The following HERC2 variants were observed in gnomAD, a reference collection of about 807,000 sequenced individuals.
HERC2 encodes the protein E3 ubiquitin-protein ligase HERC2.
HERC2 carries 102 observed loss-of-function variants against 537.7 expected under a neutral mutation model. That is an observed-to-expected ratio of 0.19 (90% confidence interval 0.16 to 0.22). HERC2 has a LOEUF of 0.22. Ranked by LOEUF, HERC2 falls within the 10% of genes least tolerant of loss-of-function variation. The pLI is 1.00. For synonymous variants in HERC2, 2,224 were observed against 2,466.2 expected (o/e 0.90, Z 2.91); for missense variants, 4,236 against 6,198.2 (o/e 0.68, Z 10.63).
chr15:28,114,587 G>C, intron 90 of HERC2, 25 bp downstream of exon 90: 1 of 1,604,714 alleles, frequency 6.2e-7, no homozygotes, highest in Non-Finnish European at 8.5e-7. Context: ...TTATGTCAAT[G>C]CAACAGAGAC....
In HERC2 at chr15:28,196,209, C is replaced by T. The variant is rs750509942; in HGVS notation, c.8260+6G>A. 7.5e-6 allele frequency: 9 copies of T among 1,195,788 alleles called. No homozygotes were observed. Among genetic ancestry groups the T allele is most frequent in the Middle Eastern group, 2.9e-4 (1 of 3,426 alleles). 74.1% of individuals were successfully genotyped at this position (1,195,788 alleles called of 1,614,324 possible). On this transcript the variant is annotated splice_donor_region_variant and intron_variant, in intron 52 of 92. Transcript: ENST00000261609. ...TGGAAGAGAGAATATAAACATTCTG[C>T]CATACCTGGTTCATTTATTCTGCCA...
At chr15:28,263,899 G>A (rs2075483292) in intron 14 of HERC2, among the ~76,000 whole-genome samples, 1 of 151,648 alleles carries the variant, frequency 6.6e-6, no homozygotes, top group South Asian at 2.1e-4. Context: ...AGGCATGGTG[G>A]TGAATATCTA....
At chr15:28,204,383 A>T (rs1347704838) in intron 45 of HERC2, among the ~76,000 whole-genome samples, 1 of 152,306 alleles carries the variant, frequency 6.6e-6, no homozygotes. Context: ...GCACTTTGGG[A>T]GCCCGAGGAG....
chr15:28,127,675 G>A (rs1282529331), intron 83 of HERC2, among the ~76,000 whole-genome samples: 8 of 152,268 alleles, frequency 5.3e-5, no homozygotes, highest in Non-Finnish European at 1.2e-4. Context: ...TGGCCAGGTC[G>A]AGGCGTGGGG....
chr15:28,117,228 T>G (rs767999522), intron 86 of HERC2, 74 bp from the exon 87 acceptor site: 1 of 1,448,668 alleles, frequency 6.9e-7, no homozygotes, highest in South Asian at 1.1e-5. Context: ...TATGCGGCAC[T>G]GGCGAATGCA....
chr15:28,153,753 A>C (rs1892699994), intron 69 of HERC2, among the ~76,000 whole-genome samples: 1 of 152,222 alleles, frequency 6.6e-6, no homozygotes. Flanking sequence ...CAATAGCTTC[A>C]TTTTACACCA....
At chr15:28,305,152 T>G (rs1359503343) in intron 2 of HERC2, among the ~76,000 whole-genome samples, 2 of 143,202 alleles carry the variant, frequency 1.4e-5, no homozygotes, top group African/African-American at 5.1e-5. Context: ...TCTTTGCTAT[T>G]GTGAATAATG....
chr15:28,169,146 G>GT (rs1894448159), intron 66 of HERC2, among the ~76,000 whole-genome samples: 1 of 152,256 alleles, frequency 6.6e-6, no homozygotes, highest in Non-Finnish European at 1.5e-5. Flanking sequence ...GCCTTCTCAA[G>GT]TGAGCGAAGG....
chr15:28,284,920 A>AG (rs1491185598), intron 4 of HERC2, among the ~76,000 whole-genome samples: 3 of 33,206 alleles, frequency 9.0e-5, no homozygotes, highest in African/African-American at 3.7e-4. Flanking sequence ...TCCGTCTCGG[A>AG]AAAAAAAAAA....
chr15:28,236,691 G>A (rs4035916), intron 26 of HERC2, among the ~76,000 whole-genome samples: 218 of 151,586 alleles, frequency 1.4e-3, no homozygotes, highest in African/African-American at 3.3e-3. Context: ...AGGCTCAAGC[G>A]ATCCTCCTAC....
chr15:28,227,468 GAA>G lies in HERC2; in HGVS notation c.5464+748_5464+749del, dbSNP rs1220198016. On this transcript the variant is annotated intron_variant, in intron 35 of 92. Coordinates refer to ENST00000261609, the MANE Select transcript of HERC2 (RefSeq NM_004667.6). ...GATGGCCTTCATCCAAAAAAAAAAA[GAA>G]AAAAAAAAAAAACACAAAAAATAGT... Among the ~76,000 whole-genome samples the G allele has an allele frequency of 4.0e-3, 431 of 107,166 alleles. 3 individuals carry two copies. Among genetic ancestry groups the G allele is most frequent in the African/African-American group, 0.013 (409 of 31,522 alleles). The allele number at this position is 107,166 out of a possible 152,430, so 70.3% of individuals were successfully genotyped here.
chr15:28,156,111 C>T (rs1416808464), intron 69 of HERC2, among the ~76,000 whole-genome samples: 2 of 152,232 alleles, frequency 1.3e-5, no homozygotes, highest in East Asian at 1.9e-4. Flanking sequence ...TGTTCTGTTC[C>T]ATTGGTCTAT....
At chr15:28,131,604 C>T (rs996012845) in intron 81 of HERC2, among the ~76,000 whole-genome samples, 15 of 152,180 alleles carry the variant, frequency 9.9e-5, no homozygotes, top group Admixed American at 3.9e-4. Flanking sequence ...GCAGAGCCGC[C>T]GACCCCACCA....
intron 83 of HERC2, among the ~76,000 whole-genome samples, chr15:28,129,439 C>A (rs1358546698): frequency 6.6e-6 from 1 of 152,366 alleles, no homozygotes; most frequent in Non-Finnish European, 1.5e-5. Context: ...CAGGCACCCC[C>A]TGCCTGGCGC....
At chr15:28,301,482 A>G (rs1222268034) in intron 2 of HERC2, among the ~76,000 whole-genome samples, 1 of 151,496 alleles carries the variant, frequency 6.6e-6, no homozygotes, top group East Asian at 1.9e-4. Context: ...AATAATTATA[A>G]TAACTGTGAG....
At position 28,287,372 on chromosome 15, in the gene HERC2, G is replaced by A. The variant is rs185894807; in HGVS notation, c.322+5516C>T. Among the ~76,000 whole-genome samples, 804 of 152,202 alleles carry A rather than the reference G, an allele frequency of 5.3e-3. 3 individuals are homozygous for A. Among genetic ancestry groups the A allele is most frequent in the African/African-American group, 0.013 (547 of 41,526 alleles). ...CTGCCAGGTAGAGAGTCGGTTCTGC[G>A]AAAGCTCTGTACCTGTGAGCAAGCA... On this transcript the variant is annotated intron_variant, in intron 4 of 92. Coordinates refer to ENST00000261609, the MANE Select transcript of HERC2 (RefSeq NM_004667.6).
intron 4 of HERC2, among the ~76,000 whole-genome samples, chr15:28,285,735 C>T (rs1246359972): frequency 7.3e-6 from 1 of 136,796 alleles, no homozygotes; most frequent in Non-Finnish European, 1.5e-5. Flanking sequence ...AACCAATAAA[C>T]AGTAAAGCAA....
chr15:28,116,379 A>G (rs1888255793), intron 88 of HERC2, among the ~76,000 whole-genome samples: 1 of 151,902 alleles, frequency 6.6e-6, no homozygotes, highest in Admixed American at 6.6e-5. Context: ...ACAGCCAGCT[A>G]ATTTTTTTTG....
chr15:28,146,797 G>A lies in HERC2; in HGVS notation c.10901-453C>T, dbSNP rs564137247. 4.3e-4 allele frequency among the ~76,000 whole-genome samples: 62 copies of A among 144,454 alleles called. 1 individual carries two copies. The highest frequency in any genetic ancestry group is 1.5e-3 in the African/African-American group (56 of 37,412). 94.8% of individuals were successfully genotyped at this position (144,454 alleles called of 152,430 possible). A position where few individuals can be genotyped will look rare whatever the true frequency, so the allele number is the denominator to read the frequency against. On this transcript the variant is annotated intron_variant, in intron 70 of 92. Transcript: ENST00000261609. ...GAGAACCGCTTGGTGTGGAGAACCC[G>A]CACATCTGGTGTGAGAGGTGTGCGA...
Sources: allele counts gnomAD v4.1 joint callset (sites outside exome capture counted in the v4.1 genomes callset), GRCh38; gene constraint gnomAD v4.1.1; transcripts MANE v1.5; gene names NCBI Gene and HGNC (gene_info 2026-07-23, HGNC 2026-07-21).